The following IGSF11 variants were observed in gnomAD, a reference collection of about 807,000 sequenced individuals.
IGSF11 encodes the protein immunoglobulin superfamily member 11.
A neutral mutation model predicts 41.0 loss-of-function variants in IGSF11; 22 were observed. The ratio of observed to expected loss-of-function variants is 0.54; its 90% CI spans 0.38 to 0.77. The LOEUF (loss-of-function observed/expected upper bound fraction) is 0.77, where lower values mean the gene tolerates loss of function less well. Ranked by LOEUF, IGSF11 falls within the 30% of genes least tolerant of loss-of-function variation. IGSF11 has a pLI of 0.00. For synonymous variants in IGSF11, 219 were observed against 201.3 expected (o/e 1.09, Z -0.74); for missense variants, 444 against 530.8 (o/e 0.84, Z 1.61).
chr3:119,051,828 CT>C (rs1469807651), intron 1 of IGSF11, among the ~76,000 whole-genome samples: 1 of 152,122 alleles, frequency 6.6e-6, no homozygotes, highest in Non-Finnish European at 1.5e-5. Flanking sequence ...AAAAGGAACC[CT>C]GAAAACTATA....
chr3:119,070,476 C>A (rs1323472787), intron 1 of IGSF11, among the ~76,000 whole-genome samples: 1 of 152,202 alleles, frequency 6.6e-6, no homozygotes, highest in Non-Finnish European at 1.5e-5. Context: ...AAGGATACTT[C>A]ATGCAGTCTC....
intron 1 of IGSF11, among the ~76,000 whole-genome samples, chr3:118,974,752 A>T (rs529450624): frequency 0.012 from 1,791 of 152,274 alleles, 36 homozygotes; most frequent in African/African-American, 0.041. Flanking sequence ...GGTTTCCACC[A>T]TATCACTATA....
intron 1 of IGSF11, among the ~76,000 whole-genome samples, chr3:119,015,109 C>T (rs1015586501): frequency 5.9e-5 from 9 of 152,116 alleles, no homozygotes; most frequent in Non-Finnish European, 1.0e-4. Context: ...TGCAAACAAA[C>T]ATCACATGTA....
intron 1 of IGSF11, among the ~76,000 whole-genome samples, chr3:119,122,457 T>A (rs1406290102): frequency 6.6e-6 from 1 of 152,270 alleles, no homozygotes; most frequent in Non-Finnish European, 1.5e-5. Context: ...CTAAATAAAC[T>A]TGAAACGAAG....
At position 119,094,218 on chromosome 3, in the gene IGSF11, C is replaced by T. The variant is rs571693991; in HGVS notation, c.49+10926G>A. 4.9e-3 allele frequency among the ~76,000 whole-genome samples: 66 copies of T among 13,440 alleles called. 2 individuals are homozygous for T. Among genetic ancestry groups the T allele is most frequent in the Middle Eastern group, 0.056 (1 of 18 alleles). 8.8% of individuals were successfully genotyped at this position (13,440 alleles called of 152,430 possible). A position where few individuals can be genotyped will look rare whatever the true frequency, so the allele number is the denominator to read the frequency against. ...TAAAATGGAAAGAAGGACTACATAGCGAAGTAAAAAAAAAAAAAAAAAAAA... is the reference window on the plus strand; with the variant it reads ...TAAAATGGAAAGAAGGACTACATAGTGAAGTAAAAAAAAAAAAAAAAAAAA... On this transcript the variant is annotated intron_variant, in intron 1 of 6. Transcript: ENST00000354673.
chr3:118,997,705 A>C (rs1936412516), intron 1 of IGSF11, among the ~76,000 whole-genome samples: 1 of 152,042 alleles, frequency 6.6e-6, no homozygotes, highest in Non-Finnish European at 1.5e-5. Flanking sequence ...TCTGGGTAAA[A>C]TTAACAGTTT....
intron 1 of IGSF11, among the ~76,000 whole-genome samples, chr3:119,041,712 C>T (rs1370044768): frequency 6.6e-6 from 1 of 152,028 alleles, no homozygotes; most frequent in Non-Finnish European, 1.5e-5. Flanking sequence ...TGAGCAATAT[C>T]CTAGAAAAAT....
chr3:118,921,076 G>A (rs1483229977), intron 4 of IGSF11, among the ~76,000 whole-genome samples: 2 of 152,086 alleles, frequency 1.3e-5, no homozygotes, highest in Non-Finnish European at 2.9e-5. Flanking sequence ...AATATAATGA[G>A]GCTTACCCTA....
At chr3:118,939,626 C>A (rs530144357) in intron 1 of IGSF11, among the ~76,000 whole-genome samples, 18 of 150,810 alleles carry the variant, frequency 1.2e-4, no homozygotes, top group African/African-American at 4.1e-4. Flanking sequence ...GAAGAAATCA[C>A]AAGGAAGATT....
chr3:119,061,775 A>G (rs1432306067), intron 1 of IGSF11, among the ~76,000 whole-genome samples: 1 of 70,234 alleles, frequency 1.4e-5, no homozygotes, highest in South Asian at 5.4e-4. Flanking sequence ...AGATTTAACT[A>G]TAGTTTTTTT....
At chr3:118,996,662 C>T (rs1174223631) in intron 1 of IGSF11, among the ~76,000 whole-genome samples, 2 of 151,518 alleles carry the variant, frequency 1.3e-5, no homozygotes, top group East Asian at 1.9e-4. Context: ...TGCAGTGGTG[C>T]GATCTCGGCT....
chr3:119,141,387 A>C (rs898053593), intron 1 of IGSF11, among the ~76,000 whole-genome samples: 4 of 151,332 alleles, frequency 2.6e-5, no homozygotes, highest in African/African-American at 9.7e-5. Flanking sequence ...CTATACCCAC[A>C]CCAAGCAGAA....
rs59418588 is a variant in IGSF11 at position 118,933,470 on chromosome 3, T to TATATA, written c.53-3196_53-3195insTATAT. Among the ~76,000 whole-genome samples the TATATA allele has an allele frequency of 7.6e-4, 111 of 146,158 alleles. 1 individual carries two copies. The highest frequency in any genetic ancestry group is 3.6e-3 in the Middle Eastern group (1 of 280). ...TCTCTCTACATATAACATGTATTTT[T>TATATA]TATATATATATATATATATACACAC... On this transcript the variant is annotated intron_variant, in intron 1 of 6. Transcript: ENST00000393775.
intron 1 of IGSF11, among the ~76,000 whole-genome samples, chr3:119,126,696 C>T (rs2077408795): frequency 6.6e-6 from 1 of 152,142 alleles, no homozygotes; most frequent in South Asian, 2.1e-4. Flanking sequence ...TCTCCAGACT[C>T]CTTGAATGAC....
At chr3:118,922,420 T>C (rs1239826537) in intron 4 of IGSF11, among the ~76,000 whole-genome samples, 1 of 152,080 alleles carries the variant, frequency 6.6e-6, no homozygotes, top group East Asian at 1.9e-4. Context: ...TGTGTGTGTG[T>C]GTGTGTGTGG....
At chr3:118,917,421 G>A (rs918529020) in intron 4 of IGSF11, among the ~76,000 whole-genome samples, 1 of 147,800 alleles carries the variant, frequency 6.8e-6, no homozygotes, top group Non-Finnish European at 1.5e-5. Flanking sequence ...AATGATAAAG[G>A]GGTATCACCA....
At chr3:118,911,134 CAT>C (rs1559878941) in intron 4 of IGSF11, among the ~76,000 whole-genome samples, 1 of 151,706 alleles carries the variant, frequency 6.6e-6, no homozygotes, top group African/African-American at 2.4e-5. Context: ...CACACACACA[CAT>C]ATATGTAAAA....
chr3:118,993,453 C>T (rs75795749), intron 1 of IGSF11, among the ~76,000 whole-genome samples: 3,698 of 152,182 alleles, frequency 0.024, 80 homozygotes, highest in East Asian at 0.066. Flanking sequence ...AACAGTTTGG[C>T]GATTAAACAG....
intron 4 of IGSF11, among the ~76,000 whole-genome samples, chr3:118,914,499 G>T (rs927835289): frequency 6.6e-6 from 1 of 151,538 alleles, no homozygotes; most frequent in Non-Finnish European, 1.5e-5. Flanking sequence ...GGTGACGGAC[G>T]CACCTGGAAA....
Sources: gnomAD v4.1 joint callset for allele counts (sites outside exome capture counted in the v4.1 genomes callset) on GRCh38, gnomAD v4.1.1 for gene constraint, MANE v1.5 for transcripts, NCBI Gene and HGNC (gene_info 2026-07-23, HGNC 2026-07-21) for gene names.